The following SUMF1 variants were observed in gnomAD, a reference collection of about 807,000 sequenced individuals.
The protein encoded by SUMF1 is sulfatase modifying factor 1.
SUMF1 carries 48 observed loss-of-function variants against 47.6 expected under a neutral mutation model. That is an observed-to-expected ratio of 1.01 (90% confidence interval 0.80 to 1.28). The LOEUF (loss-of-function observed/expected upper bound fraction) is 1.28, where lower values mean the gene tolerates loss of function less well. SUMF1 is among the 50% of genes most tolerant of loss of function. The pLI is 0.00. For synonymous variants in SUMF1, 230 were observed against 192.1 expected (o/e 1.20, Z -1.63); for missense variants, 571 against 485.4 (o/e 1.18, Z -1.66).
chr3:4,159,430 T>C (rs967123482), intron 8 of SUMF1, among the ~76,000 whole-genome samples: 11 of 147,730 alleles, frequency 7.4e-5, no homozygotes, highest in Non-Finnish European at 1.5e-4. Context: ...AAAACCATAA[T>C]ACAAACTCTA....
chr3:4,426,224 C>A (rs766197527), intron 3 of SUMF1, among the ~76,000 whole-genome samples: 1 of 152,250 alleles, frequency 6.6e-6, no homozygotes, highest in African/African-American at 2.4e-5. Context: ...AAACTACACA[C>A]TTGTCTGTCT....
intron 3 of SUMF1, among the ~76,000 whole-genome samples, chr3:4,429,006 C>CTA (rs146033961): frequency 0.018 from 2,725 of 152,302 alleles, 28 homozygotes; most frequent in African/African-American, 0.025. Context: ...TGTCAATACA[C>CTA]TATAATTTCC....
intron 2 of SUMF1, among the ~76,000 whole-genome samples, chr3:4,449,685 A>G (rs1477272545): frequency 2.6e-5 from 4 of 152,230 alleles, no homozygotes; most frequent in Non-Finnish European, 4.4e-5. Flanking sequence ...AGATTACATA[A>G]TCAATCTTTG....
chr3:4,076,234 T>C (rs991268398), intron 8 of SUMF1, among the ~76,000 whole-genome samples: 2 of 152,078 alleles, frequency 1.3e-5, no homozygotes, highest in Admixed American at 1.3e-4. Context: ...AAACAAGCAA[T>C]GGGGAAAGGA....
intron 3 of SUMF1, 63 bp downstream of exon 3, chr3:4,449,203 T>G: frequency 6.3e-7 from 1 of 1,583,796 alleles, no homozygotes; most frequent in South Asian, 1.1e-5. Flanking sequence ...GTTTGGATTT[T>G]TCACCCAAAC....
At chr3:4,182,813 A>C (rs1289332166) in intron 8 of SUMF1, among the ~76,000 whole-genome samples, 2 of 152,150 alleles carry the variant, frequency 1.3e-5, no homozygotes, top group Admixed American at 6.5e-5. Context: ...AAACAGGCTC[A>C]CATCCTGAAT....
rs1418300951 is a variant in SUMF1, at chr3:4,250,887, ACG to A, written c.1014+125441_1014+125442del. Among the ~76,000 whole-genome samples the A allele has an allele frequency of 2.6e-5, 4 of 152,314 alleles. No individual in the cohort carries two copies. In the East Asian group the frequency reaches 5.8e-4, roughly 22 times the overall value. On this transcript the variant is annotated intron_variant and NMD_transcript_variant, in intron 8 of 12. Transcript: ENST00000448413. ...TCATTGATAATGTACCTGTTTACCC[ACG>A]GGTTCAAATGGAGCTTATAAACAAG...
At chr3:4,288,898 A>G (rs1305803246) in intron 8 of SUMF1, among the ~76,000 whole-genome samples, 1 of 152,086 alleles carries the variant, frequency 6.6e-6, no homozygotes, top group Non-Finnish European at 1.5e-5. Flanking sequence ...GAACTTCACA[A>G]CGTTCTCTTA....
intron 8 of SUMF1, among the ~76,000 whole-genome samples, chr3:4,286,221 T>G (rs1273182762): frequency 1.3e-5 from 2 of 152,032 alleles, no homozygotes; most frequent in South Asian, 4.1e-4. Context: ...ATGGAAAAAT[T>G]TATAATAAAA....
At chr3:4,147,360 G>A (rs564693844) in intron 8 of SUMF1, among the ~76,000 whole-genome samples, 2 of 152,240 alleles carry the variant, frequency 1.3e-5, no homozygotes, top group East Asian at 1.9e-4. Flanking sequence ...AAAGACACAT[G>A]CACACGTATG....
At chr3:4,241,479 A>G (rs961890417) in intron 8 of SUMF1, among the ~76,000 whole-genome samples, 1 of 152,186 alleles carries the variant, frequency 6.6e-6, no homozygotes, top group Non-Finnish European at 1.5e-5. Flanking sequence ...CATGTAACCA[A>G]TATGGAAGTT....
intron 7 of SUMF1, among the ~76,000 whole-genome samples, chr3:4,399,204 C>T (rs1233110740): frequency 6.6e-6 from 1 of 152,152 alleles, no homozygotes; most frequent in Non-Finnish European, 1.5e-5. Flanking sequence ...CTCCTCACTC[C>T]TCGTTTTGTT....
intron 8 of SUMF1, among the ~76,000 whole-genome samples, chr3:4,144,948 C>T (rs1694158431): frequency 6.6e-6 from 1 of 151,940 alleles, no homozygotes; most frequent in Non-Finnish European, 1.5e-5. Context: ...GCCTGTAATC[C>T]CAGCACTTTG....
Position 4,467,258 on chromosome 3 carries a change from GC to G in SUMF1, c.-14del. The G allele has an allele frequency of 1.2e-6, 2 of 1,604,910 alleles. No homozygotes were observed. Among genetic ancestry groups the G allele is most frequent in the Non-Finnish European group, 1.7e-6 (2 of 1,176,336 alleles). ...CGGGCGCAGCCATGTTGTCCCGCGG[GC>G]CATGTGACCCGGTTGGTCACGTGGC... On this transcript the variant is annotated 5_prime_UTR_variant, in exon 1 of 9. Transcript: ENST00000272902.
intron 8 of SUMF1, among the ~76,000 whole-genome samples, chr3:4,161,410 G>A (rs539872469): frequency 7.6e-4 from 115 of 152,212 alleles, no homozygotes; most frequent in Non-Finnish European, 9.7e-4. Flanking sequence ...CCAGGCCCTC[G>A]GTGGGTCCAG....
chr3:4,060,196 T>A (rs768155861), intron 9 of SUMF1, among the ~76,000 whole-genome samples: 1 of 152,216 alleles, frequency 6.6e-6, no homozygotes, highest in Non-Finnish European at 1.5e-5. Context: ...ATGTCAGAAC[T>A]AAAGTGATAG....
At chr3:4,252,609 G>C (rs139297544) in intron 8 of SUMF1, among the ~76,000 whole-genome samples, 273 of 152,186 alleles carry the variant, frequency 1.8e-3, no homozygotes, top group Middle Eastern at 0.01. Flanking sequence ...GTCTCAGAGA[G>C]AGAACAAAAA....
intron 8 of SUMF1, among the ~76,000 whole-genome samples, chr3:4,180,176 C>A (rs1037845090): frequency 1.1e-4 from 17 of 152,188 alleles, no homozygotes; most frequent in African/African-American, 4.1e-4. Flanking sequence ...CCATTTAACC[C>A]AGCAATCCCA....
chr3:4,060,165 A>G (rs1695254353), intron 9 of SUMF1, among the ~76,000 whole-genome samples: 1 of 152,232 alleles, frequency 6.6e-6, no homozygotes, highest in Non-Finnish European at 1.5e-5. Context: ...AGTGGTAAAT[A>G]AATTGGTGGA....
Sources: allele counts gnomAD v4.1 joint callset (sites outside exome capture counted in the v4.1 genomes callset), GRCh38; gene constraint gnomAD v4.1.1; transcripts MANE v1.5; gene names NCBI Gene and HGNC (gene_info 2026-07-23, HGNC 2026-07-21).